PTPN9: variants seen among roughly 807,000 people sequenced by gnomAD.
The protein encoded by PTPN9 is protein tyrosine phosphatase non-receptor type 9.
Under a neutral mutation model 69.8 loss-of-function variants are expected in PTPN9, and 26 were observed. The observed-to-expected ratio is 0.37, with a 90% CI of 0.27 to 0.52. PTPN9 has a LOEUF of 0.52. PTPN9 is among the 20% of genes least tolerant of loss of function. The probability of loss-of-function intolerance (pLI) is 0.91; values close to 1 mark genes in which losing one functional copy is unlikely to be tolerated. For missense variants in PTPN9, 549 were observed against 740.3 expected, an observed-to-expected ratio of 0.74 and a Z score of 3.00; for synonymous variants, 274 against 272.5, an observed-to-expected ratio of 1.01 and a Z score of -0.05.
intron 1 of PTPN9, among the ~76,000 whole-genome samples, chr15:75,557,261 C>T (rs568862278): frequency 1.7e-3 from 258 of 152,104 alleles, no homozygotes; most frequent in African/African-American, 6.0e-3. Context: ...CCCGTCTCTA[C>T]TAAAAATACA....
chr15:75,561,257 G>A (rs536378524), intron 1 of PTPN9, among the ~76,000 whole-genome samples: 32 of 152,108 alleles, frequency 2.1e-4, no homozygotes, highest in African/African-American at 7.7e-4. Flanking sequence ...GGAGGTTGCA[G>A]TAAGCTGAGA....
intron 1 of PTPN9, among the ~76,000 whole-genome samples, chr15:75,538,693 A>C (rs1411968728): frequency 2.6e-5 from 4 of 152,184 alleles, no homozygotes; most frequent in African/African-American, 9.6e-5. Flanking sequence ...TCTCAAAAAA[A>C]AAAAGGAATG....
intron 7 of PTPN9, among the ~76,000 whole-genome samples, chr15:75,504,041 C>A (rs1359110513): frequency 1.5e-5 from 2 of 130,752 alleles, no homozygotes; most frequent in South Asian, 2.5e-4. Flanking sequence ...GGGGCTCAGC[C>A]CCCCGCCCGG....
chr15:75,493,512 G>C (rs768889755), intron 7 of PTPN9, among the ~76,000 whole-genome samples: 1 of 152,104 alleles, frequency 6.6e-6, no homozygotes, highest in African/African-American at 2.4e-5. Flanking sequence ...TGTTATCCCA[G>C]CACTTTGGGA....
At chr15:75,474,049 T>C (rs1408410240) in intron 9 of PTPN9, among the ~76,000 whole-genome samples, 1 of 152,160 alleles carries the variant, frequency 6.6e-6, no homozygotes, top group Admixed American at 6.5e-5. Context: ...GTCTTAATCA[T>C]CAGAACTTCA....
intron 1 of PTPN9, among the ~76,000 whole-genome samples, chr15:75,577,076 CA>C (rs1430422378): frequency 6.6e-6 from 1 of 152,154 alleles, no homozygotes; most frequent in Non-Finnish European, 1.5e-5. Flanking sequence ...ATGCCCATCA[CA>C]TTCAATTCAG....
intron 4 of PTPN9, among the ~76,000 whole-genome samples, chr15:75,521,641 T>C (rs990221461): frequency 2.6e-5 from 4 of 151,402 alleles, no homozygotes; most frequent in Non-Finnish European, 5.9e-5. Flanking sequence ...AGTCCAGGAG[T>C]TCAAGACTGC....
At chr15:75,528,367 T>A (rs754479703) in intron 1 of PTPN9, among the ~76,000 whole-genome samples, 1 of 151,638 alleles carries the variant, frequency 6.6e-6, no homozygotes, top group Non-Finnish European at 1.5e-5. Context: ...CATTTTAGAA[T>A]GATTTAAATT....
chr15:75,488,737 T>C (rs886664591), intron 8 of PTPN9, among the ~76,000 whole-genome samples: 5 of 152,194 alleles, frequency 3.3e-5, no homozygotes, highest in African/African-American at 9.6e-5. Flanking sequence ...AAGGGTGCAG[T>C]GAGCTACGAT....
intron 1 of PTPN9, among the ~76,000 whole-genome samples, chr15:75,569,887 T>A (rs532140842): frequency 6.6e-5 from 10 of 151,908 alleles, no homozygotes; most frequent in African/African-American, 2.4e-4. Context: ...AGTGGCGCGA[T>A]CTCAGCTCAC....
intron 1 of PTPN9, among the ~76,000 whole-genome samples, chr15:75,546,043 A>G (rs1367752189): frequency 6.6e-6 from 1 of 152,214 alleles, no homozygotes; most frequent in Non-Finnish European, 1.5e-5. Context: ...TGTGAACACA[A>G]TACACCAACT....
chr15:75,553,726 A>C (rs2075065011), intron 1 of PTPN9, among the ~76,000 whole-genome samples: 1 of 152,080 alleles, frequency 6.6e-6, no homozygotes, highest in African/African-American at 2.4e-5. Flanking sequence ...ACTTGCTGCT[A>C]ATCTGGCCCT....
intron 1 of PTPN9, among the ~76,000 whole-genome samples, chr15:75,554,898 C>G (rs1167513421): frequency 6.6e-6 from 1 of 152,174 alleles, no homozygotes; most frequent in Admixed American, 6.6e-5. Context: ...ATGAGCTTCC[C>G]CCTATGGAAT....
intron 1 of PTPN9, among the ~76,000 whole-genome samples, chr15:75,530,482 ATATAT>A (rs1393274738): frequency 1.1e-5 from 1 of 92,874 alleles, no homozygotes; most frequent in African/African-American, 4.4e-5. Flanking sequence ...TAATAAAAAT[ATATAT>A]TATAATATAT....
chr15:75,569,871 G>T (rs1272408838), intron 1 of PTPN9, among the ~76,000 whole-genome samples: 2 of 151,810 alleles, frequency 1.3e-5, no homozygotes, highest in Non-Finnish European at 2.9e-5. Flanking sequence ...CACCAGGCTG[G>T]AGGGCAGTGG....
At chr15:75,525,439 C>T (rs947041675) in intron 2 of PTPN9, among the ~76,000 whole-genome samples, 1 of 151,354 alleles carries the variant, frequency 6.6e-6, no homozygotes, top group Non-Finnish European at 1.5e-5. Flanking sequence ...AGCGATCCAC[C>T]CGCCTCGGCC....
chr15:75,477,637 A>G (rs2074603432), intron 9 of PTPN9, among the ~76,000 whole-genome samples: 1 of 152,084 alleles, frequency 6.6e-6, no homozygotes, highest in Non-Finnish European at 1.5e-5. Context: ...GAAGTTGCAG[A>G]CATTATGATA....
intron 1 of PTPN9, among the ~76,000 whole-genome samples, chr15:75,536,394 C>T (rs900273457): frequency 6.6e-6 from 1 of 152,142 alleles, no homozygotes; most frequent in African/African-American, 2.4e-5. Flanking sequence ...TGTATAAATA[C>T]ATCTTTACCA....
chr15:75,577,099 AGG>A (rs1481420442), intron 1 of PTPN9, among the ~76,000 whole-genome samples: 1 of 152,204 alleles, frequency 6.6e-6, no homozygotes, highest in Non-Finnish European at 1.5e-5. Context: ...GTAAAAGATA[AGG>A]TTTTTACTAG....
Sources: allele counts gnomAD v4.1 joint callset (sites outside exome capture counted in the v4.1 genomes callset), GRCh38; gene constraint gnomAD v4.1.1; transcripts MANE v1.5; gene names NCBI Gene and HGNC (gene_info 2026-07-23, HGNC 2026-07-21).